OR9Q1: variants seen among roughly 807,000 people sequenced by gnomAD.
The protein encoded by OR9Q1 is olfactory receptor family 9 subfamily Q member 1, also known as olfactory receptor 9Q1.
For missense variants in OR9Q1, 374 were observed against 378.8 expected (o/e 0.99, Z 0.11); for synonymous variants, 153 against 148.6 (o/e 1.03, Z -0.22).
intron 2 of OR9Q1, among the ~76,000 whole-genome samples, chr11:58,122,465 C>G (rs1044473485): frequency 5.3e-5 from 8 of 152,282 alleles, no homozygotes; most frequent in South Asian, 4.1e-4. Context: ...AATGGCAGAG[C>G]TAGGTTATAT....
intron 2 of OR9Q1, among the ~76,000 whole-genome samples, chr11:58,151,726 T>C (rs771611834): frequency 1.3e-5 from 2 of 152,148 alleles, no homozygotes; most frequent in African/African-American, 2.4e-5. Context: ...TTCTAGATGA[T>C]ATAGCCAGTG....
At chr11:58,033,732 A>C (rs1853066660) in intron 1 of OR9Q1, among the ~76,000 whole-genome samples, 1 of 152,176 alleles carries the variant, frequency 6.6e-6, no homozygotes, top group African/African-American at 2.4e-5. Flanking sequence ...ACAAATCTGC[A>C]CATGTACCCC....
intron 1 of OR9Q1, among the ~76,000 whole-genome samples, chr11:58,027,144 C>T (rs532956558): frequency 3.9e-5 from 6 of 152,198 alleles, no homozygotes; most frequent in Non-Finnish European, 7.3e-5. Flanking sequence ...ACTCACTGGG[C>T]TTCTGTGCAG....
chr11:58,114,698 G>A (rs568433656), intron 2 of OR9Q1, among the ~76,000 whole-genome samples: 1 of 152,176 alleles, frequency 6.6e-6, no homozygotes, highest in South Asian at 2.1e-4. Flanking sequence ...AAAGAAATGA[G>A]ATGATCCAGA....
chr11:58,060,869 C>T (rs984431877), intron 2 of OR9Q1, among the ~76,000 whole-genome samples: 1 of 152,004 alleles, frequency 6.6e-6, no homozygotes, highest in Non-Finnish European at 1.5e-5. Flanking sequence ...CCAAACCTGC[C>T]GTACAGCCTT....
At chr11:58,162,621 T>C (rs1477353474) in intron 2 of OR9Q1, among the ~76,000 whole-genome samples, 1 of 152,204 alleles carries the variant, frequency 6.6e-6, no homozygotes, top group Non-Finnish European at 1.5e-5. Context: ...CAGCTGGTAA[T>C]ACTAAGAAGG....
chr11:58,134,231 C>G (rs775781766), intron 2 of OR9Q1, among the ~76,000 whole-genome samples: 1 of 152,208 alleles, frequency 6.6e-6, no homozygotes. Context: ...AGAATTTCAT[C>G]TGCTTCCATC....
At chr11:58,073,466 TAC>T (rs1181332105) in intron 2 of OR9Q1, 3 of 152,878 alleles carry the variant, frequency 2.0e-5, no homozygotes, top group Non-Finnish European at 2.9e-5. Context: ...CTTTATTTTA[TAC>T]ACAGAGTATG....
At chr11:58,053,630 A>ATTATATATATAT (rs1554965500) in intron 1 of OR9Q1, among the ~76,000 whole-genome samples, 2 of 75,408 alleles carry the variant, frequency 2.7e-5, no homozygotes, top group Admixed American at 1.4e-4. Flanking sequence ...TATATATAAA[A>ATTATATATATAT]TATATATATA....
At chr11:58,168,915 A>G (rs1395182327) in intron 2 of OR9Q1, among the ~76,000 whole-genome samples, 2 of 152,160 alleles carry the variant, frequency 1.3e-5, no homozygotes, top group African/African-American at 4.8e-5. Context: ...CAATTTCAGG[A>G]TGAGCCTCAC....
At chr11:58,041,599 A>T (rs1853163724) in intron 1 of OR9Q1, 1 of 152,454 alleles carries the variant, frequency 6.6e-6, no homozygotes, top group South Asian at 2.1e-4. Context: ...ATAGAACAAG[A>T]AGTCAAGGGT....
intron 2 of OR9Q1, among the ~76,000 whole-genome samples, chr11:58,080,807 T>C (rs1014155472): frequency 2.6e-5 from 4 of 152,174 alleles, no homozygotes; most frequent in Non-Finnish European, 5.9e-5. Context: ...AAATGTCGGC[T>C]CATGTCCTTG....
intron 2 of OR9Q1, among the ~76,000 whole-genome samples, chr11:58,060,295 G>A (rs1046966386): frequency 6.6e-6 from 1 of 152,204 alleles, no homozygotes; most frequent in Non-Finnish European, 1.5e-5. Flanking sequence ...GGGCAGCTGA[G>A]TAAAGATTTT....
chr11:58,076,132 GA>G (rs1299787348), intron 2 of OR9Q1, among the ~76,000 whole-genome samples: 1 of 152,226 alleles, frequency 6.6e-6, no homozygotes, highest in Non-Finnish European at 1.5e-5. Context: ...CCTTTATGGA[GA>G]AAACTTTTTG....
rs1296214945 is a variant in OR9Q1 at position 58,145,781 on chromosome 11, A to AT, written c.-14-33643dup. On this transcript the variant is annotated intron_variant, in intron 2 of 2. Coordinates refer to ENST00000335397, the MANE Select transcript of OR9Q1 (RefSeq NM_001005212.4). ...GTGGAGCATTTTCTCAGCTATTCGGATTTTTTTCTATTAAGCTCATTTTTG... is the reference window on the plus strand; with the variant it reads ...GTGGAGCATTTTCTCAGCTATTCGGATTTTTTTTCTATTAAGCTCATTTTTG... Among the ~76,000 whole-genome samples, 5 of 151,982 alleles carry AT rather than the reference A, an allele frequency of 3.3e-5. No homozygotes were observed. In the East Asian group the frequency reaches 7.7e-4, roughly 23 times the overall value.
chr11:58,097,364 G>C (rs1353537848), intron 2 of OR9Q1, among the ~76,000 whole-genome samples: 1 of 152,136 alleles, frequency 6.6e-6, no homozygotes, highest in Non-Finnish European at 1.5e-5. Flanking sequence ...CTAAGGAAAG[G>C]GAATTACTGG....
At chr11:58,119,039 T>A in intron 2 of OR9Q1, 1 of 1,614,006 alleles carries the variant, frequency 6.2e-7, no homozygotes, top group Non-Finnish European at 8.5e-7. Flanking sequence ...CTGGGATTCA[T>A]GGCCACGGTA....
At chr11:58,178,796 A>G (rs999578209) in intron 2 of OR9Q1, among the ~76,000 whole-genome samples, 1 of 151,180 alleles carries the variant, frequency 6.6e-6, no homozygotes, top group African/African-American at 2.4e-5. Flanking sequence ...AGATGACTCT[A>G]TGCCACAGGA....
chr11:58,157,295 A>T (rs977041180), intron 2 of OR9Q1, among the ~76,000 whole-genome samples: 1 of 152,142 alleles, frequency 6.6e-6, no homozygotes, highest in African/African-American at 2.4e-5. Flanking sequence ...TAATCCTCCC[A>T]GGCCTTCCCT....
Sources: gnomAD v4.1 joint callset for allele counts (sites outside exome capture counted in the v4.1 genomes callset) on GRCh38, gnomAD v4.1.1 for gene constraint, MANE v1.5 for transcripts, NCBI Gene and HGNC (gene_info 2026-07-23, HGNC 2026-07-21) for gene names.